RAB3B: variants seen among roughly 807,000 people sequenced by gnomAD.
RAB3B encodes the protein RAB3B, member RAS oncogene family, also known as ras-related protein Rab-3B.
In RAB3B, 11 loss-of-function variants were observed where a neutral mutation model predicts 20.5. The ratio of observed to expected loss-of-function variants is 0.54; its 90% CI spans 0.34 to 0.89. The LOEUF is 0.89. Ranked by LOEUF, RAB3B falls within the 40% of genes least tolerant of loss-of-function variation. The pLI, the probability that RAB3B is intolerant of heterozygous loss-of-function variation, is 0.02. For missense variants in RAB3B, 225 were observed against 280.9 expected (o/e 0.80, Z 1.42); for synonymous variants, 99 against 106.3 (o/e 0.93, Z 0.42).
At chr1:51,980,922 A>T in intron 1 of RAB3B, 1 of 446,376 alleles carries the variant, frequency 2.2e-6, no homozygotes, top group East Asian at 3.9e-5. Context: ...ACTATGTTTT[A>T]TTTGTTAATT....
intron 4 of RAB3B, among the ~76,000 whole-genome samples, chr1:51,924,098 G>A (rs190578296): frequency 7.9e-4 from 121 of 152,240 alleles, no homozygotes; most frequent in African/African-American, 2.8e-3. Context: ...TTGGTGGAAT[G>A]AATAGTTGAA....
At chr1:51,932,219 C>A (rs1364818609) in intron 4 of RAB3B, among the ~76,000 whole-genome samples, 2 of 152,082 alleles carry the variant, frequency 1.3e-5, no homozygotes, top group Non-Finnish European at 2.9e-5. Flanking sequence ...CCTATAAGCC[C>A]AAATATCTGT....
intron 4 of RAB3B, among the ~76,000 whole-genome samples, chr1:51,923,121 T>C (rs1571956144): frequency 1.3e-5 from 2 of 152,310 alleles, no homozygotes; most frequent in South Asian, 2.1e-4. Context: ...GTCTCTCCCA[T>C]CTGCAGTTCA....
At chr1:51,932,186 T>A (rs373635562) in intron 4 of RAB3B, among the ~76,000 whole-genome samples, 1 of 152,118 alleles carries the variant, frequency 6.6e-6, no homozygotes, top group African/African-American at 2.4e-5. Context: ...CAATTCACAC[T>A]TGTATTTTAT....
Position 51,908,790 on chromosome 1 carries a change from C to CT in RAB3B, c.*11136dup, listed in dbSNP as rs1435238121. The CT allele has an allele frequency of 6.6e-6, 1 of 152,168 alleles. No individual in the cohort carries two copies. Among genetic ancestry groups the CT allele is most frequent in the East Asian group, 1.9e-4 (1 of 5,188 alleles). The allele number at this position is 152,168 out of a possible 1,614,324, so 9.4% of individuals were successfully genotyped here. A position where few individuals can be genotyped will look rare whatever the true frequency, so the allele number is the denominator to read the frequency against. On this transcript the variant is annotated 3_prime_UTR_variant, in exon 5 of 5. Transcript: ENST00000371655. ...CTAACCCTGCCATTTACTGCCTTCTCTATGTAGTCTTGGATAGGTTGCTTC... is the reference window on the plus strand; with the variant it reads ...CTAACCCTGCCATTTACTGCCTTCTCTTATGTAGTCTTGGATAGGTTGCTTC...
At chr1:51,987,552 G>T (rs935231215) in intron 1 of RAB3B, among the ~76,000 whole-genome samples, 1 of 152,016 alleles carries the variant, frequency 6.6e-6, no homozygotes, top group Non-Finnish European at 1.5e-5. Context: ...AAATAGTTTG[G>T]AGCTCCAAAT....
rs185895806 is a variant in RAB3B, at chr1:51,973,846, C to T, written c.228+3044G>A. On this transcript the variant is annotated intron_variant, in intron 2 of 4. Coordinates refer to ENST00000371655, the MANE Select transcript of RAB3B (RefSeq NM_002867.4). Reference sequence around the variant, plus strand: ...CCTCAGAAGGGCACAATGCCTCCTCCTATCTCAAGATTTTTTGAGTGTAGG... The same window carrying T: ...CCTCAGAAGGGCACAATGCCTCCTCTTATCTCAAGATTTTTTGAGTGTAGG... Among the ~76,000 whole-genome samples the T allele has an allele frequency of 3.0e-4, 45 of 152,308 alleles. 1 individual carries two copies. Among genetic ancestry groups the T allele is most frequent in the Admixed American group, 1.2e-3 (19 of 15,304 alleles).
intron 3 of RAB3B, among the ~76,000 whole-genome samples, chr1:51,935,250 T>C (rs1037562765): frequency 3.3e-5 from 5 of 152,186 alleles, no homozygotes; most frequent in East Asian, 1.9e-4. Context: ...GCTCTTAAAG[T>C]TGATCTTACC....
chr1:51,935,906 G>A (rs183129544), intron 3 of RAB3B, among the ~76,000 whole-genome samples: 1 of 152,244 alleles, frequency 6.6e-6, no homozygotes, highest in East Asian at 1.9e-4. Context: ...AGGCAGAAAA[G>A]GAGAACACAG....
chr1:51,942,415 C>T (rs928667291), intron 2 of RAB3B, among the ~76,000 whole-genome samples: 7 of 152,192 alleles, frequency 4.6e-5, no homozygotes, highest in Non-Finnish European at 8.8e-5. Flanking sequence ...ACTACCAGTA[C>T]GTAGCACAGG....
At chr1:51,975,860 C>T (rs957835747) in intron 2 of RAB3B, among the ~76,000 whole-genome samples, 3 of 152,016 alleles carry the variant, frequency 2.0e-5, no homozygotes, top group East Asian at 1.9e-4. Context: ...GGCATGGTGG[C>T]GGGCACCTGT....
At chr1:51,953,081 C>T (rs1175898616) in intron 2 of RAB3B, among the ~76,000 whole-genome samples, 2 of 152,224 alleles carry the variant, frequency 1.3e-5, no homozygotes, top group African/African-American at 4.8e-5. Context: ...GAGTACCCCA[C>T]ACGCATCTGG....
At chr1:51,967,521 C>CTTTTTCTTTTTTTTTT (rs1684870854) in intron 2 of RAB3B, among the ~76,000 whole-genome samples, 3 of 36,496 alleles carry the variant, frequency 8.2e-5, no homozygotes, top group Non-Finnish European at 1.1e-4. Flanking sequence ...TTTTCTTTTT[C>CTTTTTCTTTTTTTTTT]TTTTTTTTTT....
At chr1:51,984,263 TAAAAAAAAAAAAAAAAAAA>T (rs1166997647) in intron 1 of RAB3B, among the ~76,000 whole-genome samples, 3 of 20,674 alleles carry the variant, frequency 1.5e-4, no homozygotes, top group East Asian at 2.3e-3. Context: ...ACTCTCTAAT[TAAAAAAAAAAAAAAAAAAA>T]AAAAAAAAAA....
At chr1:51,930,313 C>T (rs529630502) in intron 4 of RAB3B, among the ~76,000 whole-genome samples, 1 of 152,248 alleles carries the variant, frequency 6.6e-6, no homozygotes, top group East Asian at 1.9e-4. Context: ...CTCTATAGTA[C>T]CTAGCTTGAA....
intron 1 of RAB3B, among the ~76,000 whole-genome samples, chr1:51,988,124 CT>C (rs1685174527): frequency 6.6e-6 from 1 of 152,130 alleles, no homozygotes; most frequent in Non-Finnish European, 1.5e-5. Flanking sequence ...CAAACCCATG[CT>C]GTTCAAAGGT....
intron 4 of RAB3B, among the ~76,000 whole-genome samples, chr1:51,931,767 G>A (rs1477423479): frequency 6.6e-6 from 1 of 152,188 alleles, no homozygotes; most frequent in South Asian, 2.1e-4. Context: ...AGGTTTCATA[G>A]AAGATGTGAA....
intron 2 of RAB3B, among the ~76,000 whole-genome samples, chr1:51,947,168 G>A (rs1684576392): frequency 6.6e-6 from 1 of 152,198 alleles, no homozygotes; most frequent in African/African-American, 2.4e-5. Flanking sequence ...GGCCGAGGCA[G>A]ACGGATCATT....
intron 4 of RAB3B, among the ~76,000 whole-genome samples, chr1:51,932,811 A>G (rs1259822995): frequency 6.6e-6 from 1 of 152,176 alleles, no homozygotes; most frequent in African/African-American, 2.4e-5. Flanking sequence ...ACTCTAAACC[A>G]TGTAGCTGAT....
Sources: allele counts gnomAD v4.1 joint callset (sites outside exome capture counted in the v4.1 genomes callset), GRCh38; gene constraint gnomAD v4.1.1; transcripts MANE v1.5; gene names NCBI Gene and HGNC (gene_info 2026-07-23, HGNC 2026-07-21).